NEK1: variants seen among roughly 807,000 people sequenced by gnomAD.
NEK1 encodes NIMA related kinase 1.
NEK1 carries 137 observed loss-of-function variants against 182.1 expected under a neutral mutation model. That is an observed-to-expected ratio of 0.75 (90% CI 0.65 to 0.87). The LOEUF (loss-of-function observed/expected upper bound fraction) is 0.87. Among genes scored for constraint, NEK1 ranks in the 40% least tolerant of loss-of-function variants. The pLI is 0.00. For missense variants in NEK1, 1,391 were observed against 1,494.4 expected (o/e 0.93, Z 1.14); for synonymous variants, 513 against 492.2 (o/e 1.04, Z -0.56).
intron 15 of NEK1, 59 bp downstream of exon 15, chr4:169,561,628 A>C (rs1187080477): frequency 7.6e-6 from 12 of 1,587,658 alleles, no homozygotes; most frequent in Non-Finnish European, 3.4e-6. Flanking sequence ...ATTTAGCAAT[A>C]AACTGAAAAT....
chr4:169,527,717 AATCTAAAGGCAGC>A (rs1362850762), intron 19 of NEK1, among the ~76,000 whole-genome samples: 1 of 152,218 alleles, frequency 6.6e-6, no homozygotes, highest in African/African-American at 2.4e-5. Flanking sequence ...GTGTTCAAAT[AATCTAAAGGCAGC>A]AGGGAAATGG....
intron 12 of NEK1, among the ~76,000 whole-genome samples, chr4:169,574,215 A>C (rs1765323569): frequency 6.6e-6 from 1 of 152,220 alleles, no homozygotes; most frequent in South Asian, 2.1e-4. Context: ...GTTCTATAGG[A>C]AGTATCATCT....
intron 23 of NEK1, among the ~76,000 whole-genome samples, chr4:169,489,171 A>G (rs1441167500): frequency 6.6e-6 from 1 of 152,156 alleles, no homozygotes; most frequent in Non-Finnish European, 1.5e-5. Context: ...CAATGAATTT[A>G]TTTGTGTTAC....
At chr4:169,433,437 T>C (rs980482199) in intron 29 of NEK1, 108 bp downstream of exon 29, 2 of 1,031,524 alleles carry the variant, frequency 1.9e-6, no homozygotes, top group African/African-American at 1.6e-5. Flanking sequence ...TTATAAGGTA[T>C]TACAATATTA....
chr4:169,449,962 A>T (rs982480787), intron 27 of NEK1, among the ~76,000 whole-genome samples: 1 of 152,194 alleles, frequency 6.6e-6, no homozygotes, highest in Non-Finnish European at 1.5e-5. Flanking sequence ...AACTATAATA[A>T]ACAGTGTAGA....
At chr4:169,404,635 G>A (rs2111072043) in intron 32 of NEK1, among the ~76,000 whole-genome samples, 1 of 152,130 alleles carries the variant, frequency 6.6e-6, no homozygotes, top group South Asian at 2.1e-4. Context: ...CAGGTGATTT[G>A]AACACACTGT....
intron 19 of NEK1, among the ~76,000 whole-genome samples, chr4:169,516,514 C>G (rs1404158988): frequency 1.1e-5 from 1 of 93,896 alleles, no homozygotes; most frequent in Non-Finnish European, 2.0e-5. Flanking sequence ...TTAATTAGAT[C>G]CCATTTGTCA....
At chr4:169,463,718 T>C (rs1653204657) in intron 26 of NEK1, among the ~76,000 whole-genome samples, 1 of 152,206 alleles carries the variant, frequency 6.6e-6, no homozygotes, top group South Asian at 2.1e-4. Context: ...TTTTGGATTT[T>C]GAATTTTTTT....
At position 169,497,924 on chromosome 4, in the gene NEK1, C is replaced by T. The variant is rs1751666734; in HGVS notation, c.2007+9113G>A. Among the ~76,000 whole-genome samples, 4 of 152,106 alleles carry T rather than the reference C, an allele frequency of 2.6e-5. No individual in the cohort carries two copies. In the South Asian group the frequency reaches 8.3e-4, roughly 32 times the overall value. On this transcript the variant is annotated intron_variant, in intron 23 of 35. Transcript: ENST00000507142. Reference sequence around the variant, plus strand: ...GTTCTGTAGATGTCTATCAGGTCCCCTTGGTGCAGAGCTGAGTTCAATTCC... The same window carrying T: ...GTTCTGTAGATGTCTATCAGGTCCCTTTGGTGCAGAGCTGAGTTCAATTCC...
chr4:169,592,688 C>T (rs376073192), intron 5 of NEK1, among the ~76,000 whole-genome samples: 1 of 106,772 alleles, frequency 9.4e-6, no homozygotes, highest in Middle Eastern at 5.5e-3. Context: ...TTTTAAAAAA[C>T]AATTTTCTTT....
At chr4:169,530,383 C>T (rs1033027696) in intron 19 of NEK1, among the ~76,000 whole-genome samples, 1 of 151,966 alleles carries the variant, frequency 6.6e-6, no homozygotes, top group African/African-American at 2.4e-5. Context: ...CCTTAAGTAC[C>T]CATACAACCA....
intron 12 of NEK1, among the ~76,000 whole-genome samples, chr4:169,564,466 C>T (rs989941492): frequency 1.1e-4 from 16 of 152,052 alleles, no homozygotes; most frequent in African/African-American, 3.4e-4. Context: ...TCCTGTGCTT[C>T]AGTTTTCTAA....
chr4:169,467,949 A>G (rs952220714), intron 26 of NEK1, among the ~76,000 whole-genome samples: 4 of 152,190 alleles, frequency 2.6e-5, no homozygotes, highest in Non-Finnish European at 5.9e-5. Context: ...TATGCTGCCC[A>G]TAAGAAACCC....
intron 8 of NEK1, 96 bp from the exon 9 acceptor site, chr4:169,587,709 G>C (rs1438041313): frequency 5.9e-6 from 4 of 683,362 alleles, no homozygotes; most frequent in African/African-American, 1.9e-5. Context: ...GGAAAAATAT[G>C]TGCTCCAGAA....
At chr4:169,426,410 C>G (rs148222294) in intron 29 of NEK1, among the ~76,000 whole-genome samples, 176 bp from the exon 30 acceptor site, 8 of 152,320 alleles carry the variant, frequency 5.3e-5, no homozygotes, top group African/African-American at 1.7e-4. Flanking sequence ...ATTTTTCACC[C>G]TGTTCAAATC....
In NEK1 at chr4:169,496,703, C is replaced by T. The variant is rs560432872; in HGVS notation, c.2007+10334G>A. Among the ~76,000 whole-genome samples, 237 of 144,190 alleles carry T rather than the reference C, an allele frequency of 1.6e-3. 5 individuals are homozygous for T. In the East Asian group the frequency reaches 0.042, roughly 26 times the overall value. 94.6% of individuals were successfully genotyped at this position (144,190 alleles called of 152,430 possible). A position where few individuals can be genotyped will look rare whatever the true frequency, so the allele number is the denominator to read the frequency against. On this transcript the variant is annotated intron_variant, in intron 23 of 35. Coordinates refer to ENST00000507142, the MANE Select transcript of NEK1 (RefSeq NM_001199397.3). ...TTGGTTCTGTTTATATGCTGGATTA[C>T]GTTTATTGATTTGCGTATGTTGAAC...
intron 12 of NEK1, among the ~76,000 whole-genome samples, chr4:169,568,632 T>C (rs1280378837): frequency 1.3e-5 from 2 of 152,080 alleles, no homozygotes; most frequent in Non-Finnish European, 2.9e-5. Context: ...ACGGGCAATA[T>C]ATATTTGAAT....
chr4:169,562,228 A>C, intron 12 of NEK1, 32 bp from the exon 13 acceptor site: 2 of 1,458,022 alleles, frequency 1.4e-6, no homozygotes, highest in Non-Finnish European at 1.8e-6. Flanking sequence ...AAATTAAATA[A>C]AGATTTTGAG....
At chr4:169,514,616 G>A (rs932568662) in intron 19 of NEK1, among the ~76,000 whole-genome samples, 1 of 152,136 alleles carries the variant, frequency 6.6e-6, no homozygotes, top group Non-Finnish European at 1.5e-5. Flanking sequence ...AATTTTATAG[G>A]ATTGGTTCAT....
Sources: gnomAD v4.1 joint callset for allele counts (sites outside exome capture counted in the v4.1 genomes callset) on GRCh38, gnomAD v4.1.1 for gene constraint, MANE v1.5 for transcripts, NCBI Gene and HGNC (gene_info 2026-07-23, HGNC 2026-07-21) for gene names.